KDM4C: variants seen among roughly 807,000 people sequenced by gnomAD.
KDM4C encodes the protein lysine-specific demethylase 4C.
Under a neutral mutation model 129.3 loss-of-function variants are expected in KDM4C, and 81 were observed. The ratio of observed to expected loss-of-function variants is 0.63; its 90% CI spans 0.52 to 0.75. KDM4C has a LOEUF of 0.75. KDM4C is among the 30% of genes least tolerant of loss of function. The pLI is 0.00. For missense variants in KDM4C, 1,457 were observed against 1,304.0 expected (o/e 1.12, Z -1.81); for synonymous variants, 573 against 456.1 (o/e 1.26, Z -3.26).
At chr9:6,870,685 A>T (rs1168793998) in intron 5 of KDM4C, among the ~76,000 whole-genome samples, 5 of 151,812 alleles carry the variant, frequency 3.3e-5, no homozygotes, top group Admixed American at 6.6e-5. Flanking sequence ...GGGCCGGGGG[A>T]TCATTTTGGG....
At chr9:6,754,326 C>T (rs1024443047), upstream of KDM4C, among the ~76,000 whole-genome samples, 1 of 151,962 alleles carries the variant, frequency 6.6e-6, no homozygotes, top group Non-Finnish European at 1.5e-5. Flanking sequence ...GATTCTCATG[C>T]CTCAGCCTCC....
intron 19 of KDM4C, among the ~76,000 whole-genome samples, chr9:7,134,281 C>T (rs55803951): frequency 0.23 from 35,453 of 152,044 alleles, 4,322 homozygotes; most frequent in East Asian, 0.47. Flanking sequence ...TTTTTAGTTA[C>T]GAGGGAAACC....
At chr9:6,807,403 C>G (rs1236102044) in intron 3 of KDM4C, among the ~76,000 whole-genome samples, 1 of 145,586 alleles carries the variant, frequency 6.9e-6, no homozygotes, top group Non-Finnish European at 1.5e-5. Flanking sequence ...TGAGGAGCGT[C>G]TCCGCCCGGC....
chr9:6,813,616 T>A (rs1831561027), intron 3 of KDM4C, among the ~76,000 whole-genome samples: 1 of 152,220 alleles, frequency 6.6e-6, no homozygotes, highest in African/African-American at 2.4e-5. Context: ...TATTCTCATT[T>A]GTTTCTTTCT....
At chr9:6,975,987 G>T (rs1159515639) in intron 8 of KDM4C, among the ~76,000 whole-genome samples, 1 of 152,232 alleles carries the variant, frequency 6.6e-6, no homozygotes, top group Admixed American at 6.5e-5. Context: ...GCAGTGAGCC[G>T]AGATTGCGCC....
intron 17 of KDM4C, among the ~76,000 whole-genome samples, chr9:7,084,675 A>G (rs1834912406): frequency 6.6e-6 from 1 of 152,224 alleles, no homozygotes; most frequent in South Asian, 2.1e-4. Flanking sequence ...CAGTTTCTTC[A>G]TCTGTAACAC....
intron 17 of KDM4C, chr9:7,076,558 C>T (rs1470290495): frequency 3.4e-5 from 52 of 1,525,210 alleles, no homozygotes; most frequent in Non-Finnish European, 4.3e-5. Flanking sequence ...GATGCTGTTT[C>T]TCATTCTCCA....
chr9:6,883,030 C>T (rs541951686), intron 6 of KDM4C, among the ~76,000 whole-genome samples: 8 of 152,060 alleles, frequency 5.3e-5, no homozygotes, highest in African/African-American at 1.9e-4. Context: ...TCATCAAATC[C>T]CCTGAGATCG....
At chr9:6,976,030 C>G (rs1350201358) in intron 8 of KDM4C, among the ~76,000 whole-genome samples, 1 of 152,054 alleles carries the variant, frequency 6.6e-6, no homozygotes, top group African/African-American at 2.4e-5. Flanking sequence ...AAAGTGAGAC[C>G]TTGTCTCAAA....
intron 5 of KDM4C, among the ~76,000 whole-genome samples, chr9:6,864,956 A>G (rs1207073249): frequency 7.1e-6 from 1 of 140,000 alleles, no homozygotes; most frequent in Non-Finnish European, 1.6e-5. Context: ...TAGTCCCAAG[A>G]TTTCTGTTTG....
chr9:6,846,833 A>G (rs969264471), intron 4 of KDM4C, among the ~76,000 whole-genome samples: 1 of 152,088 alleles, frequency 6.6e-6, no homozygotes, highest in African/African-American at 2.4e-5. Flanking sequence ...CTAATAATTA[A>G]ATTTTATTTT....
chr9:6,961,668 C>G (rs1830075429), intron 8 of KDM4C, among the ~76,000 whole-genome samples: 5 of 152,040 alleles, frequency 3.3e-5, no homozygotes, highest in Admixed American at 3.3e-4. Flanking sequence ...TATCAAAATT[C>G]AAATAGGTGA....
At chr9:6,891,461 T>C (rs1846108124) in intron 7 of KDM4C, among the ~76,000 whole-genome samples, 1 of 152,126 alleles carries the variant, frequency 6.6e-6, no homozygotes, top group African/African-American at 2.4e-5. Context: ...TTATAACAAA[T>C]CTGTAGAGAC....
At position 6,970,827 on chromosome 9, in the gene KDM4C, C is replaced by G. The variant is rs576524315; in HGVS notation, c.922-10098C>G. On this transcript the variant is annotated intron_variant, in intron 8 of 21. Transcript: ENST00000381309. Reference sequence around the variant, plus strand: ...CCCTAACCCCCACCCCGGTCTCACCCCCAGGGTACCTCCTCTTAGGAACAA... The same window carrying G: ...CCCTAACCCCCACCCCGGTCTCACCGCCAGGGTACCTCCTCTTAGGAACAA... 4.4e-3 allele frequency among the ~76,000 whole-genome samples: 643 copies of G among 146,904 alleles called. 4 individuals carry two copies. Among genetic ancestry groups the G allele is most frequent in the African/African-American group, 0.015 (619 of 40,034 alleles).
intron 4 of KDM4C, among the ~76,000 whole-genome samples, chr9:6,841,082 T>C (rs550496028): frequency 1.1e-4 from 17 of 152,218 alleles, no homozygotes; most frequent in Non-Finnish European, 2.2e-4. Context: ...AACTTGAGAA[T>C]CTTTAACAGG....
chr9:7,161,140 G>T (rs987102782), intron 19 of KDM4C, among the ~76,000 whole-genome samples: 1 of 152,190 alleles, frequency 6.6e-6, no homozygotes, highest in African/African-American at 2.4e-5. Context: ...ACCGAGCCAG[G>T]CACGGGAGAG....
chr9:7,046,936 G>A lies in KDM4C; in HGVS notation c.2315+19G>A. 2 of 1,506,458 alleles carry A rather than the reference G, an allele frequency of 1.3e-6. No individual in the cohort carries two copies. The highest frequency in any genetic ancestry group is 1.8e-6 in the Non-Finnish European group (2 of 1,083,936). 93.3% of individuals were successfully genotyped at this position (1,506,458 alleles called of 1,614,324 possible). On this transcript the variant is annotated intron_variant, in intron 16 of 21. Transcript: ENST00000381309. ...ACAATAAGTAAGTAATACATTAATT[G>A]TGTTGAATTTCATTATTTTTCTTTC... is the stretch of plus-strand genomic sequence containing the variant.
chr9:7,049,326 T>C, intron 17 of KDM4C, 126 bp downstream of exon 17: 1 of 507,122 alleles, frequency 2.0e-6, no homozygotes, highest in Non-Finnish European at 3.5e-6. Context: ...TCTACCCTTA[T>C]TTTCCTTTAG....
At chr9:6,770,765 TCC>T (rs1821633218) in intron 1 of KDM4C, among the ~76,000 whole-genome samples, 1 of 142,526 alleles carries the variant, frequency 7.0e-6, no homozygotes, top group African/African-American at 2.6e-5. Context: ...GCGATTTTGA[TCC>T]TTTTTTTTTT....
Sources: gnomAD v4.1 joint callset for allele counts (sites outside exome capture counted in the v4.1 genomes callset) on GRCh38, gnomAD v4.1.1 for gene constraint, MANE v1.5 for transcripts, NCBI Gene and HGNC (gene_info 2026-07-23, HGNC 2026-07-21) for gene names.